Variants in AKAP6 observed in about 807,000 individuals in gnomAD.
AKAP6 encodes A-kinase anchoring protein 6.
AKAP6 carries 58 observed loss-of-function variants against 188.5 expected under a neutral mutation model. The observed-to-expected ratio is 0.31, with a 90% CI of 0.25 to 0.38. The LOEUF is 0.38. Among genes scored for constraint, AKAP6 ranks in the 10% least tolerant of loss-of-function variants. The pLI, the probability that AKAP6 is intolerant of heterozygous loss-of-function variation, is 1.00. For synonymous variants in AKAP6, 989 were observed against 998.6 expected (o/e 0.99, Z 0.18); for missense variants, 2,710 against 2,740.0 (o/e 0.99, Z 0.24).
chr14:32,465,841 G>A (rs1025885433), intron 2 of AKAP6, among the ~76,000 whole-genome samples: 1 of 152,050 alleles, frequency 6.6e-6, no homozygotes, highest in Admixed American at 6.6e-5. Context: ...TCTGACAAAG[G>A]GTTGATATCC....
intron 7 of AKAP6, among the ~76,000 whole-genome samples, chr14:32,665,799 G>T (rs1199822499): frequency 6.6e-6 from 1 of 152,140 alleles, no homozygotes; most frequent in Admixed American, 6.6e-5. Context: ...AGGAGCTCTG[G>T]ATGAAAACCA....
chr14:32,785,092 A>G (rs967715621), intron 12 of AKAP6, among the ~76,000 whole-genome samples: 1 of 152,076 alleles, frequency 6.6e-6, no homozygotes, highest in Non-Finnish European at 1.5e-5. Flanking sequence ...GTTAGACTGG[A>G]TTGAATTAGA....
intron 9 of AKAP6, among the ~76,000 whole-genome samples, chr14:32,706,683 A>C (rs1890824218): frequency 6.6e-6 from 1 of 151,894 alleles, no homozygotes; most frequent in African/African-American, 2.4e-5. Flanking sequence ...TGTGAAACTC[A>C]TACATTCTTA....
At chr14:32,700,691 AG>A (rs1165968600) in intron 9 of AKAP6, among the ~76,000 whole-genome samples, 1 of 152,210 alleles carries the variant, frequency 6.6e-6, no homozygotes, top group Non-Finnish European at 1.5e-5. Flanking sequence ...TAGGAGCAAT[AG>A]GCTCTACCGT....
chr14:32,423,742 A>AT (rs1156353877), intron 1 of AKAP6, among the ~76,000 whole-genome samples: 3 of 152,086 alleles, frequency 2.0e-5, no homozygotes, highest in African/African-American at 7.2e-5. Context: ...AATCTTGCCT[A>AT]TTTTTACAAC....
chr14:32,747,008 A>T (rs974027943), intron 11 of AKAP6, among the ~76,000 whole-genome samples: 2 of 152,184 alleles, frequency 1.3e-5, no homozygotes, highest in Non-Finnish European at 2.9e-5. Flanking sequence ...AGTATCACTG[A>T]TTTACTTTTA....
In AKAP6 at chr14:32,773,658, G is replaced by A. The variant is rs777876562; in HGVS notation, c.3373-20G>A. On this transcript the variant is annotated intron_variant, in intron 11 of 13. Coordinates refer to ENST00000280979, the MANE Select transcript of AKAP6 (RefSeq NM_004274.5). ...TCTGCCCTATAAACACTCATAGATT[G>A]GTTTCTCTCTATGTTGCAGTCCCTC... 9 of 1,608,954 alleles carry A rather than the reference G, an allele frequency of 5.6e-6. No homozygotes were observed. The highest frequency in any genetic ancestry group is 1.7e-4 in the Middle Eastern group (1 of 6,044).
chr14:32,663,560 G>A (rs1276471348), intron 7 of AKAP6, among the ~76,000 whole-genome samples: 1 of 152,048 alleles, frequency 6.6e-6, no homozygotes, highest in Non-Finnish European at 1.5e-5. Flanking sequence ...GAAACTTAAA[G>A]CATATATAGG....
At chr14:32,524,243 G>T (rs1882009091) in intron 2 of AKAP6, among the ~76,000 whole-genome samples, 1 of 152,094 alleles carries the variant, frequency 6.6e-6, no homozygotes, top group Non-Finnish European at 1.5e-5. Flanking sequence ...GTACTCTTGT[G>T]CGGGAATGAT....
chr14:32,645,791 G>A (rs997010667), intron 7 of AKAP6, among the ~76,000 whole-genome samples: 3 of 152,182 alleles, frequency 2.0e-5, no homozygotes, highest in African/African-American at 7.2e-5. Context: ...GGGAAAAGGA[G>A]TCTTTGAGAA....
At chr14:32,662,275 A>G (rs190600816) in intron 7 of AKAP6, among the ~76,000 whole-genome samples, 11 of 152,120 alleles carry the variant, frequency 7.2e-5, no homozygotes, top group African/African-American at 2.7e-4. Context: ...AATGTTTGTC[A>G]TTTTAAAAAA....
At chr14:32,615,744 C>T (rs574235015) in intron 7 of AKAP6, among the ~76,000 whole-genome samples, 5 of 151,828 alleles carry the variant, frequency 3.3e-5, no homozygotes, top group South Asian at 4.2e-4. Context: ...TACAGGCGCC[C>T]GCCACCACAC....
intron 1 of AKAP6, among the ~76,000 whole-genome samples, chr14:32,398,857 T>G (rs11849096): frequency 0.057 from 7,352 of 129,676 alleles, 246 homozygotes; most frequent in South Asian, 0.14. Flanking sequence ...TTTTTTTTTT[T>G]TTTTTTTTTT....
chr14:32,790,985 A>T (rs1322479318), intron 12 of AKAP6, among the ~76,000 whole-genome samples: 2 of 152,096 alleles, frequency 1.3e-5, no homozygotes, highest in African/African-American at 2.4e-5. Context: ...TCCATGGTGT[A>T]TATGTGCCAC....
intron 10 of AKAP6, 159 bp downstream of exon 10, chr14:32,732,759 C>A: frequency 1.2e-6 from 1 of 822,246 alleles, no homozygotes; most frequent in Non-Finnish European, 1.9e-6. Context: ...AAAGACACTG[C>A]TTTTCCTCTT....
intron 1 of AKAP6, chr14:32,403,189 A>C (rs1445224524): frequency 6.6e-6 from 1 of 152,200 alleles, no homozygotes; most frequent in African/African-American, 2.4e-5. Flanking sequence ...TGGGAGAGGG[A>C]CCATAGCTGT....
At chr14:32,793,632 G>A (rs765592895) in intron 12 of AKAP6, among the ~76,000 whole-genome samples, 8 of 151,628 alleles carry the variant, frequency 5.3e-5, no homozygotes, top group Non-Finnish European at 1.0e-4. Context: ...CAGAAAATTA[G>A]CAAAGATACT....
intron 7 of AKAP6, among the ~76,000 whole-genome samples, chr14:32,674,110 T>C (rs1261354189): frequency 6.6e-6 from 1 of 152,090 alleles, no homozygotes; most frequent in Non-Finnish European, 1.5e-5. Context: ...AAGGGAACAA[T>C]ACGTGCAAAG....
At chr14:32,721,599 C>A (rs1040499723) in intron 9 of AKAP6, among the ~76,000 whole-genome samples, 9 of 152,170 alleles carry the variant, frequency 5.9e-5, no homozygotes, top group African/African-American at 1.9e-4. Context: ...GTTAACCCTG[C>A]CCTTTCTTTT....
Sources: allele counts gnomAD v4.1 joint callset (sites outside exome capture counted in the v4.1 genomes callset), GRCh38; gene constraint gnomAD v4.1.1; transcripts MANE v1.5; gene names NCBI Gene and HGNC (gene_info 2026-07-23, HGNC 2026-07-21).